IMPG1: variants seen among roughly 807,000 people sequenced by gnomAD.
IMPG1 encodes the protein interphotoreceptor matrix proteoglycan of 150 kDa.
A neutral mutation model predicts 92.0 loss-of-function variants in IMPG1; 85 were observed. That is an observed-to-expected ratio of 0.92 (90% confidence interval 0.78 to 1.11). The LOEUF is 1.11. IMPG1 is among the 50% of genes least tolerant of loss of function. The pLI is 0.00. For missense variants in IMPG1, 1,022 were observed against 956.0 expected (o/e 1.07, Z -0.91); for synonymous variants, 367 against 334.1 (o/e 1.10, Z -1.08).
At chr6:75,986,259 G>A (rs1264963448) in intron 12 of IMPG1, among the ~76,000 whole-genome samples, 1 of 152,024 alleles carries the variant, frequency 6.6e-6, no homozygotes, top group African/African-American at 2.4e-5. Flanking sequence ...AGCCCTACTT[G>A]GGTGGTGCAC....
At chr6:75,933,887 A>G (rs1232063021) in intron 14 of IMPG1, among the ~76,000 whole-genome samples, 2 of 152,216 alleles carry the variant, frequency 1.3e-5, no homozygotes, top group African/African-American at 2.4e-5. Context: ...TCAAATCCAT[A>G]TGGATATTGC....
Position 75,924,720 on chromosome 6 carries a change from A to ATC in IMPG1, c.2244-1015_2244-1014insGA, listed in dbSNP as rs1473153892. Among the ~76,000 whole-genome samples the ATC allele has an allele frequency of 2.8e-3, 7 of 2,474 alleles. 1 individual carries two copies. Among genetic ancestry groups the ATC allele is most frequent in the Admixed American group, 0.021 (2 of 96 alleles). 1.6% of individuals were successfully genotyped at this position (2,474 alleles called of 152,430 possible). On this transcript the variant is annotated intron_variant, in intron 15 of 16. Coordinates refer to ENST00000369950, the MANE Select transcript of IMPG1 (RefSeq NM_001563.4). ...TAATTATATATAATATATAATATAT[A>ATC]ATATAATTATATATAATATATAATA...
intron 1 of IMPG1, among the ~76,000 whole-genome samples, chr6:76,053,130 T>C (rs1784070144): frequency 6.6e-6 from 1 of 152,214 alleles, no homozygotes; most frequent in Non-Finnish European, 1.5e-5. Context: ...TTCTTAATTA[T>C]GTGTACTTTT....
intron 3 of IMPG1, 116 bp from the exon 4 acceptor site, chr6:76,034,459 A>G (rs528845048): frequency 8.3e-7 from 1 of 1,210,786 alleles, no homozygotes; most frequent in South Asian, 1.4e-5. Flanking sequence ...ACTGTACCAT[A>G]TTATTTTGCA....
At chr6:75,927,706 T>C (rs1023902392) in intron 15 of IMPG1, among the ~76,000 whole-genome samples, 4 of 151,970 alleles carry the variant, frequency 2.6e-5, no homozygotes, top group African/African-American at 9.7e-5. Context: ...CTGAAGAAAT[T>C]AAGCATCTTT....
At chr6:75,939,304 T>C (rs1781800164) in intron 14 of IMPG1, among the ~76,000 whole-genome samples, 2 of 152,172 alleles carry the variant, frequency 1.3e-5, no homozygotes, top group South Asian at 2.1e-4. Context: ...ACCCATTAAC[T>C]CTTCATTTAA....
chr6:75,981,315 A>G (rs186167537), intron 12 of IMPG1, among the ~76,000 whole-genome samples: 57 of 152,354 alleles, frequency 3.7e-4, no homozygotes, highest in Non-Finnish European at 7.4e-4. Flanking sequence ...ATTCAACTTT[A>G]GTCAGTAGCT....
intron 12 of IMPG1, among the ~76,000 whole-genome samples, chr6:75,966,351 G>A (rs1011753423): frequency 1.3e-5 from 2 of 152,088 alleles, no homozygotes; most frequent in African/African-American, 4.8e-5. Context: ...AATTGTTATT[G>A]TGGCAGTATT....
chr6:76,056,652 A>G (rs188396348), intron 1 of IMPG1, among the ~76,000 whole-genome samples: 1 of 152,252 alleles, frequency 6.6e-6, no homozygotes, highest in Admixed American at 6.5e-5. Flanking sequence ...TCCACCAACA[A>G]TGTTCAAAGG....
intron 2 of IMPG1, 45 bp from the exon 3 acceptor site, chr6:76,034,832 G>A (rs781391228): frequency 1.4e-5 from 22 of 1,527,298 alleles, no homozygotes; most frequent in East Asian, 4.6e-5. Flanking sequence ...GAGGGTCCCC[G>A]TACCCAATCC....
chr6:76,034,661 T>C lies in IMPG1; in HGVS notation c.428A>G (p.Asn143Ser), dbSNP rs1213707298. 2 of 1,614,160 alleles carry C rather than the reference T, an allele frequency of 1.2e-6. No homozygotes were observed. The highest frequency in any genetic ancestry group is 2.2e-5 in the South Asian group (2 of 91,078). Reference protein sequence around the residue: ...ETFCLFDIGKNFSNSQEHLDL... With the variant: ...ETFCLFDIGKSFSNSQEHLDL... Reference sequence around the variant, plus strand: ...CAGGTGCTCCTGGGAATTGCTGAAGTTTTTTCCAATGTCAAAGAGGCAGAA... The same window carrying C: ...CAGGTGCTCCTGGGAATTGCTGAAGCTTTTTCCAATGTCAAAGAGGCAGAA... The change falls in exon 3 of 17, where the codon AAC becomes AGC. Residue 143 changes from asparagine (N) to serine (S), a missense_variant. Coordinates refer to ENST00000369950, the MANE Select transcript of IMPG1 (RefSeq NM_001563.4).
At position 76,005,330 on chromosome 6, in the gene IMPG1, C is replaced by T. The variant is rs1783075819; in HGVS notation, c.1092G>A (p.Glu364=). 1 of 1,614,012 alleles carries T rather than the reference C, an allele frequency of 6.2e-7. No individual in the cohort carries two copies. The highest frequency in any genetic ancestry group is 1.7e-5 in the Admixed American group (1 of 59,994). Residue 364 remains glutamate, a synonymous_variant, in exon 10 of 17, where the codon GAG becomes GAA. Coordinates refer to ENST00000369950, the MANE Select transcript of IMPG1 (RefSeq NM_001563.4). ...DLKRLISKAL[E]EEQSLDVGTI... ...TCCCCACATCCAAAGATTGTTCTTC[C>T]TCTAGTGCTTTGCTGATCAGCCTTT...
At chr6:76,005,574 T>C in intron 9 of IMPG1, 40 bp from the exon 10 acceptor site, 1 of 1,597,808 alleles carries the variant, frequency 6.3e-7, no homozygotes, top group Non-Finnish European at 8.5e-7. Context: ...CCAAAGCCAT[T>C]GTTACATGCC....
intron 12 of IMPG1, among the ~76,000 whole-genome samples, chr6:75,971,536 A>G (rs1782416696): frequency 6.6e-6 from 1 of 152,242 alleles, no homozygotes; most frequent in South Asian, 2.1e-4. Flanking sequence ...GTTAACTCTT[A>G]GTAGTTCAAA....
At chr6:75,927,238 G>A (rs1781570485) in intron 15 of IMPG1, among the ~76,000 whole-genome samples, 1 of 152,032 alleles carries the variant, frequency 6.6e-6, no homozygotes, top group African/African-American at 2.4e-5. Context: ...ATTTATTCCT[G>A]TTATTCCCAT....
chr6:75,955,965 G>A (rs1456752759), intron 12 of IMPG1, among the ~76,000 whole-genome samples: 1 of 152,150 alleles, frequency 6.6e-6, no homozygotes, highest in Admixed American at 6.5e-5. Context: ...TGATCGTGGT[G>A]GATGAGCTTT....
intron 12 of IMPG1, among the ~76,000 whole-genome samples, chr6:75,962,723 G>A (rs1229595460): frequency 6.6e-6 from 1 of 152,146 alleles, no homozygotes; most frequent in Non-Finnish European, 1.5e-5. Context: ...TTAGTAATAA[G>A]CACAAAGAAA....
chr6:75,935,651 T>G (rs1781733143), intron 14 of IMPG1, among the ~76,000 whole-genome samples: 1 of 152,164 alleles, frequency 6.6e-6, no homozygotes, highest in South Asian at 2.1e-4. Context: ...AAAGGCAAAC[T>G]TACGCATCAC....
intron 7 of IMPG1, among the ~76,000 whole-genome samples, chr6:76,018,167 A>G (rs1039194393): frequency 6.6e-6 from 1 of 152,186 alleles, no homozygotes; most frequent in Non-Finnish European, 1.5e-5. Flanking sequence ...TCCCATATAT[A>G]CTACATTTTT....
Sources: allele counts gnomAD v4.1 joint callset (sites outside exome capture counted in the v4.1 genomes callset), GRCh38; gene constraint gnomAD v4.1.1; transcripts MANE v1.5; gene names NCBI Gene and HGNC (gene_info 2026-07-23, HGNC 2026-07-21).